Variants in LGR5 observed in about 807,000 individuals in gnomAD.
LGR5 encodes leucine-rich repeat-containing G protein-coupled receptor 5.
Under a neutral mutation model 76.7 loss-of-function variants are expected in LGR5, and 54 were observed. That is an observed-to-expected ratio of 0.70 (90% CI 0.57 to 0.88). LGR5 has a LOEUF of 0.88. LGR5 is among the 40% of genes least tolerant of loss of function. LGR5 has a pLI of 0.00. For synonymous variants in LGR5, 406 were observed against 421.9 expected, an observed-to-expected ratio of 0.96 and a Z score of 0.46; for missense variants, 1,078 against 1,073.3, an observed-to-expected ratio of 1.00 and a Z score of -0.06.
intron 2 of LGR5, among the ~76,000 whole-genome samples, chr12:71,516,199 T>A (rs1172217736): frequency 6.6e-6 from 1 of 151,894 alleles, no homozygotes; most frequent in East Asian, 1.9e-4. Flanking sequence ...AAGACCTTCA[T>A]GAAAGAACCG....
At chr12:71,482,810 A>AT (rs1257000780) in intron 1 of LGR5, among the ~76,000 whole-genome samples, 5 of 152,186 alleles carry the variant, frequency 3.3e-5, no homozygotes, top group African/African-American at 1.2e-4. Flanking sequence ...GTAGTTTGAT[A>AT]TTTTTTATGC....
In LGR5 at chr12:71,566,444, G is replaced by A; in HGVS notation, c.898G>A (p.Ala300Thr). The A allele has an allele frequency of 6.2e-7, 1 of 1,605,164 alleles. No homozygotes were observed. The highest frequency in any genetic ancestry group is 8.5e-7 in the Non-Finnish European group (1 of 1,172,268). Residue 300 changes from alanine to threonine, a missense_variant, in exon 9 of 18, where the codon GCT (alanine) becomes ACT (threonine). Coordinates refer to ENST00000266674, the MANE Select transcript of LGR5 (RefSeq NM_003667.4). ...TCCCATCCAGTTTGTTGGGAGATCT[G>A]CTTTTCAACATTTACCTGAACTAAG... Reference protein sequence around the residue: ...DNPIQFVGRSAFQHLPELRTL... With the variant: ...DNPIQFVGRSTFQHLPELRTL...
intron 1 of LGR5, among the ~76,000 whole-genome samples, chr12:71,444,902 A>G (rs886652447): frequency 6.6e-6 from 1 of 152,202 alleles, no homozygotes; most frequent in Admixed American, 6.5e-5. Context: ...AATATTTATA[A>G]TTTTATAACT....
intron 2 of LGR5, among the ~76,000 whole-genome samples, chr12:71,509,831 G>A (rs757414130): frequency 1.3e-5 from 2 of 152,114 alleles, no homozygotes; most frequent in Non-Finnish European, 2.9e-5. Flanking sequence ...GAAGCTCTAG[G>A]GGGGTCTGTT....
intron 8 of LGR5, among the ~76,000 whole-genome samples, chr12:71,564,646 TATATATAC>T (rs1565761205): frequency 6.7e-5 from 10 of 149,236 alleles, no homozygotes; most frequent in Non-Finnish European, 1.5e-4. Context: ...ACGCACTGTG[TATATATAC>T]ATATATGTAC....
chr12:71,530,214 A>G, intron 3 of LGR5, among the ~76,000 whole-genome samples: 1 of 152,154 alleles, frequency 6.6e-6, no homozygotes, highest in East Asian at 1.9e-4. Flanking sequence ...ATTACAAAAT[A>G]TTTGTTATTA....
chr12:71,564,855 A>G (rs1041669908), intron 8 of LGR5, among the ~76,000 whole-genome samples: 10 of 150,984 alleles, frequency 6.6e-5, no homozygotes, highest in South Asian at 4.2e-4. Context: ...GTGTATATAT[A>G]CACATATATG....
intron 1 of LGR5, among the ~76,000 whole-genome samples, chr12:71,489,509 G>A (rs142472671): frequency 2.4e-3 from 363 of 152,256 alleles, no homozygotes; most frequent in African/African-American, 8.5e-3. Flanking sequence ...CATACAGATT[G>A]CATATTTTAA....
rs370200061 is a variant in LGR5, at chr12:71,478,380, A to T, written c.213-26234A>T. Among the ~76,000 whole-genome samples, 13 of 152,226 alleles carry T rather than the reference A, an allele frequency of 8.5e-5. No homozygotes were observed. In the East Asian group the frequency reaches 1.2e-3, roughly 14 times the overall value. ...ATAAGCCATGTTATTGGGAGCTAAA[A>T]TGAAGTCTTACATATTTCTCAAATT... On this transcript the variant is annotated intron_variant, in intron 1 of 17. Coordinates refer to ENST00000266674, the MANE Select transcript of LGR5 (RefSeq NM_003667.4).
intron 6 of LGR5, among the ~76,000 whole-genome samples, chr12:71,558,610 G>C (rs1031029576): frequency 2.0e-5 from 3 of 152,210 alleles, no homozygotes; most frequent in African/African-American, 7.2e-5. Context: ...CTTAAGGATG[G>C]TTTGTGCCAG....
chr12:71,513,392 C>A (rs1399937185), intron 2 of LGR5, among the ~76,000 whole-genome samples: 2 of 152,200 alleles, frequency 1.3e-5, no homozygotes, highest in African/African-American at 4.8e-5. Flanking sequence ...TGTGTCCCTG[C>A]ATTTTCCTGT....
At chr12:71,459,204 G>A (rs1872599394) in intron 1 of LGR5, among the ~76,000 whole-genome samples, 1 of 152,088 alleles carries the variant, frequency 6.6e-6, no homozygotes, top group Non-Finnish European at 1.5e-5. Flanking sequence ...ATAAGGCAAA[G>A]CACTCTGCAG....
intron 1 of LGR5, among the ~76,000 whole-genome samples, chr12:71,475,032 G>A (rs67284654): frequency 0.086 from 13,071 of 152,166 alleles, 990 homozygotes; most frequent in African/African-American, 0.21. Context: ...GTTTTGATCT[G>A]TGACTAATTG....
intron 1 of LGR5, among the ~76,000 whole-genome samples, chr12:71,484,652 T>C (rs1873751879): frequency 6.6e-6 from 1 of 151,978 alleles, no homozygotes; most frequent in Non-Finnish European, 1.5e-5. Context: ...TTGTTTTCTG[T>C]GTATGTTTTG....
chr12:71,551,222 C>T (rs1312769507), intron 4 of LGR5, among the ~76,000 whole-genome samples: 1 of 152,210 alleles, frequency 6.6e-6, no homozygotes, highest in African/African-American at 2.4e-5. Flanking sequence ...CTTGTTCCTT[C>T]CCATTCAGTC....
chr12:71,581,694 A>C (rs576265782), intron 16 of LGR5, among the ~76,000 whole-genome samples: 1 of 152,340 alleles, frequency 6.6e-6, no homozygotes, highest in East Asian at 1.9e-4. Flanking sequence ...CACTCAAAAC[A>C]TAAAAACACA....
chr12:71,579,079 G>T (rs1270639814), intron 15 of LGR5, 150 bp downstream of exon 15: 1 of 627,078 alleles, frequency 1.6e-6, no homozygotes, highest in African/African-American at 1.9e-5. Flanking sequence ...GCATTGTTAG[G>T]ACAAGCCCTG....
At chr12:71,545,563 T>C (rs746510369) in intron 4 of LGR5, among the ~76,000 whole-genome samples, 5 of 152,102 alleles carry the variant, frequency 3.3e-5, no homozygotes, top group Non-Finnish European at 7.4e-5. Context: ...AACTGTATTA[T>C]GCAGCTGCAA....
intron 11 of LGR5, chr12:71,567,268 GCCAAA>G: frequency 4.7e-6 from 1 of 213,550 alleles, no homozygotes; most frequent in Admixed American, 5.4e-5. Flanking sequence ...CAATATGGAT[GCCAAA>G]ATCAAAAACT....
Sources: allele counts gnomAD v4.1 joint callset (sites outside exome capture counted in the v4.1 genomes callset), GRCh38; gene constraint gnomAD v4.1.1; transcripts MANE v1.5; gene names NCBI Gene and HGNC (gene_info 2026-07-23, HGNC 2026-07-21).